Variants in OLFM1 observed in about 807,000 individuals in gnomAD.
OLFM1 encodes the protein olfactomedin 1.
A neutral mutation model predicts 49.7 loss-of-function variants in OLFM1; 9 were observed. That is an observed-to-expected ratio of 0.18 (90% confidence interval 0.11 to 0.32). OLFM1 has a LOEUF of 0.32. Ranked by LOEUF, OLFM1 falls within the 10% of genes least tolerant of loss-of-function variation. The probability of loss-of-function intolerance (pLI) is 1.00; values close to 1 mark genes in which losing one functional copy is unlikely to be tolerated. For missense variants in OLFM1, 369 were observed against 661.8 expected (o/e 0.56, Z 4.85); for synonymous variants, 240 against 271.8 (o/e 0.88, Z 1.15).
chr9:135,120,584 C>T lies in OLFM1; in HGVS notation c.*406C>T. ...ATGTGGCGTCCAGGCTCTTTGAGAGCCATGGGCTGCACCCGGCCGTAGGCT... is the reference window on the plus strand; with the variant it reads ...ATGTGGCGTCCAGGCTCTTTGAGAGTCATGGGCTGCACCCGGCCGTAGGCT... On this transcript the variant is annotated 3_prime_UTR_variant, in exon 6 of 6. Coordinates refer to ENST00000371793, the MANE Select transcript of OLFM1 (RefSeq NM_001282611.2). 1 of 216,742 alleles carries T rather than the reference C, an allele frequency of 4.6e-6. No homozygotes were observed. Among genetic ancestry groups the T allele is most frequent in the Non-Finnish European group, 9.2e-6 (1 of 109,124 alleles). The allele number at this position is 216,742 out of a possible 1,614,324, so 13.4% of individuals were successfully genotyped here. A position where few individuals can be genotyped will look rare whatever the true frequency, so the allele number is the denominator to read the frequency against.
At chr9:135,091,142 C>G (rs1339414783) in intron 2 of OLFM1, among the ~76,000 whole-genome samples, 2 of 152,200 alleles carry the variant, frequency 1.3e-5, no homozygotes, top group Non-Finnish European at 2.9e-5. Flanking sequence ...GAGCTCATCA[C>G]CTGGTTCAGT....
At chr9:135,083,739 G>T (rs545622901), upstream of OLFM1, among the ~76,000 whole-genome samples, 2 of 152,232 alleles carry the variant, frequency 1.3e-5, no homozygotes, top group South Asian at 4.1e-4. Context: ...TGGCTCACAT[G>T]TCCTGTCATT....
chr9:135,091,751 TCACACACA>T (rs1320200516), intron 2 of OLFM1, among the ~76,000 whole-genome samples: 1 of 71,212 alleles, frequency 1.4e-5, no homozygotes, highest in Non-Finnish European at 2.9e-5. Flanking sequence ...CCACACATAG[TCACACACA>T]CTCACACAGT....
At chr9:135,083,166 G>T (rs567914765), upstream of OLFM1, among the ~76,000 whole-genome samples, 1 of 152,188 alleles carries the variant, frequency 6.6e-6, no homozygotes, top group Non-Finnish European at 1.5e-5. Flanking sequence ...GATTATGTTT[G>T]TGGGGTCCCT....
chr9:135,100,687 G>A (rs1483261071), intron 4 of OLFM1, among the ~76,000 whole-genome samples: 1 of 152,144 alleles, frequency 6.6e-6, no homozygotes, highest in African/African-American at 2.4e-5. Flanking sequence ...ATAGCTGTGC[G>A]ACTCCCCCAA....
At chr9:135,076,920 G>A (rs1371734579) in intron 1 of OLFM1, 23 of 1,550,520 alleles carry the variant, frequency 1.5e-5, no homozygotes, top group South Asian at 8.3e-5. Context: ...GGAAGCCCAC[G>A]CTGGCTCCCT....
chr9:135,079,316 CG>C (rs1256010943), intron 1 of OLFM1, among the ~76,000 whole-genome samples: 2 of 151,988 alleles, frequency 1.3e-5, no homozygotes, highest in African/African-American at 4.8e-5. Context: ...CTAGTGAGCC[CG>C]GGGGAAAGAA....
intron 4 of OLFM1, 104 bp from the exon 5 acceptor site, chr9:135,106,645 G>T: frequency 1.3e-6 from 1 of 794,836 alleles, no homozygotes; most frequent in Non-Finnish European, 2.0e-6. Flanking sequence ...GGCAAGAGGA[G>T]AAGCCGCCAC....
At chr9:135,079,109 G>A (rs574769512) in intron 1 of OLFM1, among the ~76,000 whole-genome samples, 137 of 152,304 alleles carry the variant, frequency 9.0e-4, no homozygotes, top group Non-Finnish European at 1.6e-3. Flanking sequence ...CCAAACCCTT[G>A]CCGCTTGGCA....
At chr9:135,089,261 A>G (rs1292114484) in intron 1 of OLFM1, among the ~76,000 whole-genome samples, 2 of 152,146 alleles carry the variant, frequency 1.3e-5, no homozygotes, top group East Asian at 3.9e-4. Flanking sequence ...AGATATGACT[A>G]CTATAGATTC....
At chr9:135,077,778 G>T (rs1830486852) in intron 1 of OLFM1, among the ~76,000 whole-genome samples, 1 of 152,234 alleles carries the variant, frequency 6.6e-6, no homozygotes, top group Admixed American at 6.5e-5. Context: ...CCTTCCCCAG[G>T]CTGGCTTCTG....
At chr9:135,111,875 AT>A (rs143579524) in intron 5 of OLFM1, among the ~76,000 whole-genome samples, 1 of 151,614 alleles carries the variant, frequency 6.6e-6, no homozygotes, top group East Asian at 1.9e-4. Context: ...ACTTCCGGCT[AT>A]TTTTTTTCTG....
chr9:135,120,178 G>A lies in OLFM1; in HGVS notation c.1458G>A (p.Ter486=). Residue 486 remains the stop codon, a stop_retained_variant, in exon 6 of 6, where the codon TAG becomes TAA. Coordinates refer to ENST00000371793, the MANE Select transcript of OLFM1 (RefSeq NM_001282611.2). ...ACGTCATCCGCTCCGACGAGTTGTA[G>A]CTCCCTCCTCCTGGAAGCCAAGGGC... ...LFHVIRSDEL[*] is the part of the protein sequence containing the mutation. 6 of 1,603,718 alleles carry A rather than the reference G, an allele frequency of 3.7e-6. No individual in the cohort carries two copies. Among genetic ancestry groups the A allele is most frequent in the Non-Finnish European group, 5.1e-6 (6 of 1,174,384 alleles).
rs115105351 is a variant in OLFM1 at position 135,096,793 on chromosome 9, A to G, written c.456+774A>G. On this transcript the variant is annotated intron_variant, in intron 3 of 5. Transcript: ENST00000371793. ...ATCTGACCTAATCTAGCCATGACAA[A>G]GCATACCATAGACTTGCAGGGAAAA... Among the ~76,000 whole-genome samples the G allele has an allele frequency of 7.7e-3, 1,168 of 152,332 alleles. 12 individuals are homozygous for G. The highest frequency in any genetic ancestry group is 0.027 in the African/African-American group (1,120 of 41,586).
At chr9:135,079,468 G>A (rs1262878270) in intron 1 of OLFM1, among the ~76,000 whole-genome samples, 1 of 152,166 alleles carries the variant, frequency 6.6e-6, no homozygotes, top group East Asian at 1.9e-4. Flanking sequence ...AGCAGGGCGT[G>A]GTGGCAGACG....
intron 5 of OLFM1, 54 bp from the exon 6 acceptor site, chr9:135,119,450 G>C: frequency 7.0e-7 from 1 of 1,423,696 alleles, no homozygotes; most frequent in Non-Finnish European, 9.5e-7. Context: ...TGGGTCTTTG[G>C]AGTACTCACT....
chr9:135,092,489 C>T (rs1183509578), intron 2 of OLFM1, among the ~76,000 whole-genome samples: 1 of 152,128 alleles, frequency 6.6e-6, no homozygotes, highest in Non-Finnish European at 1.5e-5. Context: ...TTTAACATTC[C>T]ACCAACATTT....
intron 3 of OLFM1, chr9:135,097,700 A>G (rs1830819488): frequency 1.7e-6 from 2 of 1,144,534 alleles, no homozygotes; most frequent in Admixed American, 1.7e-5. Context: ...GACCATGCAA[A>G]TATGTGTTTC....
At chr9:135,094,015 C>T (rs898983960) in intron 2 of OLFM1, among the ~76,000 whole-genome samples, 10 of 152,140 alleles carry the variant, frequency 6.6e-5, no homozygotes, top group Admixed American at 2.6e-4. Context: ...CCTACAGCAC[C>T]GTGTGTGGTC....
Sources: allele counts gnomAD v4.1 joint callset (sites outside exome capture counted in the v4.1 genomes callset), GRCh38; gene constraint gnomAD v4.1.1; transcripts MANE v1.5; gene names NCBI Gene and HGNC (gene_info 2026-07-23, HGNC 2026-07-21).